TXNDC16: variants seen among roughly 807,000 people sequenced by gnomAD.
The protein encoded by TXNDC16 is thioredoxin domain containing 16.
In TXNDC16, 74 loss-of-function variants were observed where a neutral mutation model predicts 85.6. The ratio of observed to expected loss-of-function variants is 0.86; its 90% confidence interval spans 0.72 to 1.05. The LOEUF (loss-of-function observed/expected upper bound fraction) is 1.05. TXNDC16 is among the 50% of genes least tolerant of loss of function. The pLI, the probability that TXNDC16 is intolerant of heterozygous loss-of-function variation, is 0.00. For missense variants in TXNDC16, 959 were observed against 947.0 expected (o/e 1.01, Z -0.17); for synonymous variants, 335 against 326.5 (o/e 1.03, Z -0.28).
At chr14:52,479,972 A>G (rs2036108780) in intron 14 of TXNDC16, among the ~76,000 whole-genome samples, 1 of 152,222 alleles carries the variant, frequency 6.6e-6, no homozygotes, top group Admixed American at 6.5e-5. Context: ...ATTGGCACAT[A>G]GACCAATGGA....
At chr14:52,435,726 T>C (rs948111057) in intron 20 of TXNDC16, among the ~76,000 whole-genome samples, 2 of 151,932 alleles carry the variant, frequency 1.3e-5, no homozygotes, top group African/African-American at 2.4e-5. Context: ...TTTGGGGGGC[T>C]GAGGAGGGAG....
At chr14:52,446,880 A>T (rs973567061) in intron 18 of TXNDC16, among the ~76,000 whole-genome samples, 1 of 152,098 alleles carries the variant, frequency 6.6e-6, no homozygotes, top group East Asian at 1.9e-4. Context: ...GCATTTATCA[A>T]CTGCTAAGTG....
intron 12 of TXNDC16, among the ~76,000 whole-genome samples, chr14:52,483,715 C>T (rs564890677): frequency 6.6e-6 from 1 of 152,170 alleles, no homozygotes; most frequent in Non-Finnish European, 1.5e-5. Context: ...ATATGTGAAA[C>T]CCTTCCTTTA....
chr14:52,502,013 T>C (rs1293508013), intron 9 of TXNDC16, among the ~76,000 whole-genome samples: 1 of 152,238 alleles, frequency 6.6e-6, no homozygotes, highest in Non-Finnish European at 1.5e-5. Context: ...ATTCATTTTC[T>C]CTGTTCTGGT....
intron 9 of TXNDC16, among the ~76,000 whole-genome samples, chr14:52,502,281 G>A (rs1012098621): frequency 3.9e-5 from 6 of 152,150 alleles, no homozygotes; most frequent in Non-Finnish European, 8.8e-5. Flanking sequence ...CAAATAAAAC[G>A]CTTATGCATT....
rs1191283721 is a variant in TXNDC16, at chr14:52,439,374, C to T, written c.2024G>A (p.Arg675Lys). ...ATCAAAATATGCCCTCAAGATTCCT[C>T]TCCCCACTGGAGTATTCTTTCTGCA... The part of the protein sequence containing the change: ...WLNLKNTPVG[R>K]GILRAYFDPL... Residue 675 changes from arginine to lysine, a missense_variant, in exon 20 of 21, where the codon AGA becomes AAA. By Grantham distance (26) the Arg-to-Lys change is conservative (BLOSUM62 2). Transcript: ENST00000281741. The T allele has an allele frequency of 1.2e-6, 2 of 1,613,662 alleles. No individual in the cohort carries two copies. The highest frequency in any genetic ancestry group is 1.1e-5 in the South Asian group (1 of 91,038).
At chr14:52,448,512 C>T (rs867181172) in intron 18 of TXNDC16, among the ~76,000 whole-genome samples, 2 of 151,946 alleles carry the variant, frequency 1.3e-5, no homozygotes, top group African/African-American at 2.4e-5. Flanking sequence ...TCATCAACAC[C>T]GGATCTGTCC....
At chr14:52,486,221 C>G (rs2036266243) in intron 12 of TXNDC16, among the ~76,000 whole-genome samples, 1 of 151,454 alleles carries the variant, frequency 6.6e-6, no homozygotes, top group South Asian at 2.1e-4. Flanking sequence ...AGTCACTCCT[C>G]AGCTCTACCT....
rs928176873 is a variant in TXNDC16 at position 52,436,025 on chromosome 14, G to A, written c.2194+3179C>T. 2.0e-5 allele frequency among the ~76,000 whole-genome samples: 3 copies of A among 152,050 alleles called. No homozygotes were observed. In the East Asian group the frequency reaches 5.8e-4, roughly 29 times the overall value. On this transcript the variant is annotated intron_variant, in intron 20 of 20. Transcript: ENST00000281741. Reference sequence around the variant, plus strand: ...TAAAAGAAAATGAAAAACAAAGTAGGAGTAATCAAATTTCCCAATTTTAAA... The same window carrying A: ...TAAAAGAAAATGAAAAACAAAGTAGAAGTAATCAAATTTCCCAATTTTAAA...
intron 9 of TXNDC16, among the ~76,000 whole-genome samples, chr14:52,504,836 C>G: frequency 6.6e-6 from 1 of 152,036 alleles, no homozygotes; most frequent in Non-Finnish European, 1.5e-5. Flanking sequence ...ATCTCATGTG[C>G]AGAGACACAC....
intron 12 of TXNDC16, among the ~76,000 whole-genome samples, chr14:52,485,660 T>C (rs1457388235): frequency 6.6e-6 from 1 of 152,236 alleles, no homozygotes; most frequent in Non-Finnish European, 1.5e-5. Flanking sequence ...TACATAAATA[T>C]CTACCATTGT....
At chr14:52,474,146 AG>A (rs2035968708) in intron 14 of TXNDC16, among the ~76,000 whole-genome samples, 1 of 152,202 alleles carries the variant, frequency 6.6e-6, no homozygotes, top group Non-Finnish European at 1.5e-5. Flanking sequence ...CCTTGCATTG[AG>A]GGGGCAGGTA....
chr14:52,445,003 T>C (rs1450775094), intron 18 of TXNDC16, among the ~76,000 whole-genome samples: 1 of 152,132 alleles, frequency 6.6e-6, no homozygotes. Flanking sequence ...AAAATGTGTA[T>C]CTATAGTACT....
chr14:52,471,311 A>G (rs1236423736), intron 14 of TXNDC16, among the ~76,000 whole-genome samples: 1 of 152,076 alleles, frequency 6.6e-6, no homozygotes, highest in Non-Finnish European at 1.5e-5. Flanking sequence ...TACTGCCACT[A>G]CTCAAGTTGT....
chr14:52,466,655 A>G (rs1285208621), intron 16 of TXNDC16, among the ~76,000 whole-genome samples: 1 of 152,026 alleles, frequency 6.6e-6, no homozygotes, highest in Non-Finnish European at 1.5e-5. Flanking sequence ...TCACAAGGTC[A>G]GGAGATGGAA....
At chr14:52,442,147 T>C (rs1454893227) in intron 18 of TXNDC16, among the ~76,000 whole-genome samples, 1 of 152,204 alleles carries the variant, frequency 6.6e-6, no homozygotes, top group Non-Finnish European at 1.5e-5. Context: ...GTAACAAGAA[T>C]TGGAAAGTGC....
chr14:52,493,218 C>T (rs201617947), intron 9 of TXNDC16, among the ~76,000 whole-genome samples: 1,516 of 94,684 alleles, frequency 0.016, 28 homozygotes, highest in African/African-American at 0.055. Context: ...TATATATATA[C>T]ACACACACAC....
intron 9 of TXNDC16, among the ~76,000 whole-genome samples, chr14:52,503,214 G>C (rs948960188): frequency 6.6e-6 from 1 of 152,220 alleles, no homozygotes; most frequent in African/African-American, 2.4e-5. Context: ...CTGTCTGACA[G>C]GTTTGAAGAG....
intron 19 of TXNDC16, 32 bp downstream of exon 19, chr14:52,440,532 T>C (rs762604079): frequency 1.3e-6 from 2 of 1,515,180 alleles, no homozygotes; most frequent in African/African-American, 2.8e-5. Flanking sequence ...TTTCTTTACC[T>C]CTTACATATT....
Sources: gnomAD v4.1 joint callset for allele counts (sites outside exome capture counted in the v4.1 genomes callset) on GRCh38, gnomAD v4.1.1 for gene constraint, MANE v1.5 for transcripts, NCBI Gene and HGNC (gene_info 2026-07-23, HGNC 2026-07-21) for gene names.